Variants in U2SURP observed in about 807,000 individuals in gnomAD.
U2SURP encodes U2 snRNP associated SURP domain containing.
Under a neutral mutation model 144.9 loss-of-function variants are expected in U2SURP, and 9 were observed. That is an observed-to-expected ratio of 0.06 (90% CI 0.04 to 0.11). The LOEUF (loss-of-function observed/expected upper bound fraction) is 0.11, where lower values mean the gene tolerates loss of function less well. U2SURP is among the 10% of genes least tolerant of loss of function. The pLI is 1.00. For synonymous variants in U2SURP, 408 were observed against 396.8 expected (o/e 1.03, Z -0.33); for missense variants, 724 against 1,226.7 (o/e 0.59, Z 6.12).
At chr3:143,011,969 T>C in intron 2 of U2SURP, 1 of 587,960 alleles carries the variant, frequency 1.7e-6, no homozygotes, top group Non-Finnish European at 3.2e-6. Context: ...AAAATGAAGG[T>C]AACGAACCTG....
intron 6 of U2SURP, 51 bp from the exon 7 acceptor site, chr3:143,019,918 T>C: frequency 9.8e-7 from 1 of 1,016,710 alleles, no homozygotes; most frequent in Admixed American, 3.5e-5. Flanking sequence ...ATTGAATCAT[T>C]GGTTTTGCTT....
intron 24 of U2SURP, among the ~76,000 whole-genome samples, chr3:143,048,034 G>T (rs1415722404): frequency 6.6e-6 from 1 of 152,228 alleles, no homozygotes; most frequent in African/African-American, 2.4e-5. Context: ...AATAGTGGGT[G>T]GGGAACCAAG....
At chr3:143,002,164 C>CCTAGGGCAAAGACTAGGGCAAAG (rs1333767973) in intron 1 of U2SURP, 2 of 207,188 alleles carry the variant, frequency 9.7e-6, no homozygotes, top group Admixed American at 1.2e-4. Context: ...AGGGGAGGAC[C>CCTAGGGCAAAGACTAGGGCAAAG]ACTAGGGCAA....
chr3:143,005,138 T>C (rs1187436401), intron 1 of U2SURP, among the ~76,000 whole-genome samples: 1 of 151,214 alleles, frequency 6.6e-6, no homozygotes, highest in East Asian at 1.9e-4. Flanking sequence ...TCTGTGACTA[T>C]GGCTTTTTTT....
chr3:143,019,544 T>G (rs1441124449), intron 6 of U2SURP, among the ~76,000 whole-genome samples: 2 of 152,230 alleles, frequency 1.3e-5, no homozygotes, highest in Non-Finnish European at 2.9e-5. Context: ...AGATTATTCT[T>G]CCCTATTAAA....
chr3:143,036,246 T>C, intron 20 of U2SURP, 142 bp downstream of exon 20: 1 of 952,302 alleles, frequency 1.1e-6, no homozygotes, highest in Admixed American at 3.9e-5. Context: ...TGGATTTTTA[T>C]TGCTGGAACC....
chr3:143,001,845 C>G (rs1935543755), intron 1 of U2SURP, among the ~76,000 whole-genome samples, 172 bp downstream of exon 1: 1 of 152,230 alleles, frequency 6.6e-6, no homozygotes, highest in Admixed American at 6.5e-5. Flanking sequence ...TGGTATCTCC[C>G]CATAGTCCCA....
rs150372605 is a variant in U2SURP, at chr3:143,040,286, A to G, written c.2384+1326A>G. Among the ~76,000 whole-genome samples the G allele has an allele frequency of 6.2e-4, 94 of 152,028 alleles. No homozygotes were observed. The East Asian group carries it at 0.017, about 28-fold the overall frequency. On this transcript the variant is annotated intron_variant, in intron 23 of 27. Coordinates refer to ENST00000473835, the MANE Select transcript of U2SURP (RefSeq NM_001080415.2). ...TTTTAGCATTGATGTTGGAATACGCATACATTAATGGAAGCCTGGATCACT... is the reference window on the plus strand; with the variant it reads ...TTTTAGCATTGATGTTGGAATACGCGTACATTAATGGAAGCCTGGATCACT...
At chr3:143,047,912 C>T (rs2108313706) in intron 24 of U2SURP, among the ~76,000 whole-genome samples, 1 of 150,946 alleles carries the variant, frequency 6.6e-6, no homozygotes, top group East Asian at 2.0e-4. Flanking sequence ...CGGACGGGGT[C>T]AGAAGCCAGT....
intron 24 of U2SURP, among the ~76,000 whole-genome samples, chr3:143,044,287 TCC>T (rs1934283218): frequency 2.5e-5 from 2 of 81,034 alleles, no homozygotes; most frequent in Admixed American, 1.8e-4. Context: ...CTCTCCCCTC[TCC>T]TTTTTTTTTT....
intron 1 of U2SURP, among the ~76,000 whole-genome samples, chr3:143,002,695 C>T (rs1001782068): frequency 2.0e-5 from 3 of 152,190 alleles, no homozygotes; most frequent in Non-Finnish European, 4.4e-5. Context: ...GAGAAGCTTG[C>T]GTTTACAGTT....
At chr3:143,017,674 G>A (rs1936438589) in intron 6 of U2SURP, among the ~76,000 whole-genome samples, 1 of 151,894 alleles carries the variant, frequency 6.6e-6, no homozygotes, top group African/African-American at 2.4e-5. Flanking sequence ...AGGCTAGAGT[G>A]TAGTAGTGTG....
At chr3:143,049,740 T>A (rs891412401) in intron 24 of U2SURP, among the ~76,000 whole-genome samples, 3 of 152,222 alleles carry the variant, frequency 2.0e-5, no homozygotes, top group Admixed American at 6.5e-5. Flanking sequence ...TATTTTTAAA[T>A]TCAAAATAAA....
Position 143,042,878 on chromosome 3 carries a change from T to C in U2SURP, c.2385-239T>C, listed in dbSNP as rs140748853. 1.1e-4 allele frequency among the ~76,000 whole-genome samples: 16 copies of C among 152,306 alleles called. No homozygotes were observed. In the East Asian group the frequency reaches 3.1e-3, roughly 29 times the overall value. On this transcript the variant is annotated intron_variant, in intron 23 of 27. Transcript: ENST00000473835. ...CAGATAACAACATAAGCAGAATTTA[T>C]TACAGTATGCTTATGTTGAAGCTCA...
Position 143,035,158 on chromosome 3 carries a change from C to A in U2SURP, c.1941+183C>A, listed in dbSNP as rs1429254575. ...TATCAAATCAAAAATTTAAAAGATA[C>A]TATTTTGTCAGGTTTAATTTTAGTT... On this transcript the variant is annotated intron_variant, in intron 19 of 27. Coordinates refer to ENST00000473835, the MANE Select transcript of U2SURP (RefSeq NM_001080415.2). Among the ~76,000 whole-genome samples the A allele has an allele frequency of 3.3e-5, 5 of 151,616 alleles. No individual in the cohort carries two copies. In the East Asian group the frequency reaches 9.8e-4, roughly 30 times the overall value.
chr3:143,002,056 AT>A (rs1354318080), intron 1 of U2SURP, among the ~76,000 whole-genome samples: 1 of 152,158 alleles, frequency 6.6e-6, no homozygotes, highest in African/African-American at 2.4e-5. Context: ...CGGTGCTTAA[AT>A]GTCTGCTGCT....
chr3:143,055,409 T>C (rs926050283), intron 27 of U2SURP, among the ~76,000 whole-genome samples: 3 of 152,198 alleles, frequency 2.0e-5, no homozygotes, highest in Admixed American at 6.5e-5. Context: ...TTCTGTTCTT[T>C]AGTTTCTATA....
At chr3:143,040,850 C>T (rs1372041417) in intron 23 of U2SURP, among the ~76,000 whole-genome samples, 1 of 151,730 alleles carries the variant, frequency 6.6e-6, no homozygotes, top group Non-Finnish European at 1.5e-5. Flanking sequence ...TAATGTTCAG[C>T]CATCTAGACC....
In U2SURP at chr3:143,028,607, T is replaced by C; in HGVS notation, c.1571T>C (p.Phe524Ser). 2 of 1,605,820 alleles carry C rather than the reference T, an allele frequency of 1.2e-6. No homozygotes were observed. Among genetic ancestry groups the C allele is most frequent in the South Asian group, 2.2e-5 (2 of 88,978 alleles). Reference sequence around the variant, plus strand: ...TCAGAAGAGCAAGAAACAGAAGCTTTTGTAGAGGAACCTAGTAAAAAGGGA... The same window carrying C: ...TCAGAAGAGCAAGAAACAGAAGCTTCTGTAGAGGAACCTAGTAAAAAGGGA... ...GMSEEQETEAFVEEPSKKGAL... is the reference protein window; with the variant it reads ...GMSEEQETEASVEEPSKKGAL... Residue 524 changes from phenylalanine (F) to serine (S), a missense_variant, in exon 16 of 28, where the codon TTT becomes TCT. Around this residue, in one of 13 missense-constraint regions of U2SURP, gnomAD observed 66 missense variants for 95.0 expected, o/e 0.69. Coordinates refer to ENST00000473835, the MANE Select transcript of U2SURP (RefSeq NM_001080415.2).
Sources: allele counts gnomAD v4.1 joint callset (sites outside exome capture counted in the v4.1 genomes callset), GRCh38; gene constraint gnomAD v4.1.1; regional missense constraint gnomAD v4.1.1; transcripts MANE v1.5; gene names NCBI Gene and HGNC (gene_info 2026-07-23, HGNC 2026-07-21).